The following ADAMTS17 variants were observed in gnomAD, a reference collection of about 807,000 sequenced individuals.
The protein encoded by ADAMTS17 is A disintegrin and metalloproteinase with thrombospondin motifs 17.
ADAMTS17 carries 113 observed loss-of-function variants against 141.5 expected under a neutral mutation model. That is an observed-to-expected ratio of 0.80 (90% CI 0.69 to 0.93). The LOEUF (loss-of-function observed/expected upper bound fraction) is 0.93, where lower values mean the gene tolerates loss of function less well. Among genes scored for constraint, ADAMTS17 ranks in the 40% least tolerant of loss-of-function variants. The pLI is 0.00. For synonymous variants in ADAMTS17, 768 were observed against 630.6 expected, an observed-to-expected ratio of 1.22 and a Z score of -3.27; for missense variants, 1,659 against 1,517.9, an observed-to-expected ratio of 1.09 and a Z score of -1.54.
intron 7 of ADAMTS17, among the ~76,000 whole-genome samples, chr15:100,215,366 A>AG (rs2041937815): frequency 6.6e-6 from 1 of 152,188 alleles, no homozygotes; most frequent in Admixed American, 6.5e-5. Context: ...TAGGGCCCGA[A>AG]TGTCTGGCGT....
intron 20 of ADAMTS17, 74 bp downstream of exon 20, chr15:99,992,974 A>G: frequency 6.3e-7 from 1 of 1,592,784 alleles, no homozygotes; most frequent in Admixed American, 1.7e-5. Context: ...GGGACCCGTC[A>G]CAAGAGCTGA....
chr15:100,109,458 G>A lies in ADAMTS17; in HGVS notation c.1889-342C>T, dbSNP rs367734618. ...TTGAATACACATCAAGGGGGAGCTG[G>A]AGCCACTCTTATAGCGAGGGTGTGA... On this transcript the variant is annotated intron_variant, in intron 13 of 21. Coordinates refer to ENST00000268070, the MANE Select transcript of ADAMTS17 (RefSeq NM_139057.4). 9.5e-4 allele frequency among the ~76,000 whole-genome samples: 138 copies of A among 145,942 alleles called. 2 individuals carry two copies. Among genetic ancestry groups the A allele is most frequent in the African/African-American group, 3.2e-3 (128 of 39,834 alleles).
At chr15:100,280,543 C>G (rs961450565) in intron 4 of ADAMTS17, among the ~76,000 whole-genome samples, 1 of 152,148 alleles carries the variant, frequency 6.6e-6, no homozygotes, top group African/African-American at 2.4e-5. Flanking sequence ...GGGTGGAGCC[C>G]CTGCTCCTCA....
intron 15 of ADAMTS17, among the ~76,000 whole-genome samples, chr15:100,057,588 G>A (rs2032693704): frequency 6.6e-6 from 1 of 152,172 alleles, no homozygotes; most frequent in South Asian, 2.1e-4. Flanking sequence ...CCATGACACG[G>A]CATCTGTTTC....
intron 14 of ADAMTS17, among the ~76,000 whole-genome samples, chr15:100,101,004 C>G (rs1444955844): frequency 6.6e-6 from 1 of 152,154 alleles, no homozygotes; most frequent in African/African-American, 2.4e-5. Context: ...CTGGGATCTA[C>G]TTGAGTCAGT....
intron 7 of ADAMTS17, among the ~76,000 whole-genome samples, chr15:100,209,509 T>C (rs1439414203): frequency 1.3e-5 from 2 of 152,048 alleles, no homozygotes; most frequent in Non-Finnish European, 2.9e-5. Flanking sequence ...CAAACTACCA[T>C]GACAAGCCCT....
intron 4 of ADAMTS17, among the ~76,000 whole-genome samples, chr15:100,275,442 G>T (rs536278780): frequency 1.3e-5 from 2 of 152,340 alleles, no homozygotes; most frequent in African/African-American, 4.8e-5. Context: ...GGAAGAAAAT[G>T]GAAGTGAGAA....
In ADAMTS17 at chr15:100,033,894, C is replaced by T. The variant is rs563580242; in HGVS notation, c.2591+14963G>A. On this transcript the variant is annotated intron_variant, in intron 18 of 21. Transcript: ENST00000268070. ...TGTGCTCTAGAAGCCAGTGGTGCCA[C>T]GATCACCTCCTTCCATTTCCACACC... Among the ~76,000 whole-genome samples, 36 of 152,316 alleles carry T rather than the reference C, an allele frequency of 2.4e-4. No individual in the cohort carries two copies. The South Asian group carries it at 2.9e-3, about 12-fold the overall frequency.
intron 3 of ADAMTS17, among the ~76,000 whole-genome samples, chr15:100,322,278 G>C (rs2045755686): frequency 1.3e-5 from 2 of 152,084 alleles, no homozygotes; most frequent in Non-Finnish European, 2.9e-5. Flanking sequence ...GAAAGTATGG[G>C]GGAGGCATGC....
At chr15:100,107,141 T>A (rs1314250306) in intron 14 of ADAMTS17, among the ~76,000 whole-genome samples, 1 of 152,240 alleles carries the variant, frequency 6.6e-6, no homozygotes, top group African/African-American at 2.4e-5. Flanking sequence ...GGAAACGGTT[T>A]GCTGCAGCAA....
intron 21 of ADAMTS17, among the ~76,000 whole-genome samples, chr15:99,975,267 T>A (rs2060297348): frequency 6.6e-6 from 1 of 152,242 alleles, no homozygotes; most frequent in South Asian, 2.1e-4. Flanking sequence ...TGGAGTGCAG[T>A]GGCACGATCT....
chr15:100,123,018 G>A (rs897076727), intron 12 of ADAMTS17, among the ~76,000 whole-genome samples: 3 of 152,212 alleles, frequency 2.0e-5, no homozygotes, highest in African/African-American at 7.2e-5. Flanking sequence ...GGGTGTGGCT[G>A]GCAGTTTCCA....
chr15:100,096,502 T>A, intron 14 of ADAMTS17, 26 bp from the exon 15 acceptor site: 1 of 1,614,000 alleles, frequency 6.2e-7, no homozygotes. Context: ...GCCTCATTAT[T>A]CTGTGGTTAA....
At chr15:100,147,590 G>T (rs1271052834) in intron 10 of ADAMTS17, among the ~76,000 whole-genome samples, 1 of 152,134 alleles carries the variant, frequency 6.6e-6, no homozygotes, top group Non-Finnish European at 1.5e-5. Flanking sequence ...GGTTAAAAAT[G>T]GTACACCTCT....
At chr15:100,193,788 C>T (rs2041010385) in intron 8 of ADAMTS17, among the ~76,000 whole-genome samples, 1 of 152,210 alleles carries the variant, frequency 6.6e-6, no homozygotes, top group Non-Finnish European at 1.5e-5. Context: ...GAGAGGTCAA[C>T]TCCAGAATGG....
chr15:99,976,000 A>T, intron 21 of ADAMTS17, 45 bp downstream of exon 21: 1 of 1,525,604 alleles, frequency 6.6e-7, no homozygotes. Context: ...ACTGGGCAGG[A>T]GACACAGCAG....
intron 18 of ADAMTS17, among the ~76,000 whole-genome samples, chr15:100,039,384 T>C (rs2031043723): frequency 6.6e-6 from 1 of 152,210 alleles, no homozygotes; most frequent in Non-Finnish European, 1.5e-5. Flanking sequence ...TTTACAGCCA[T>C]AAATTTCCCC....
intron 3 of ADAMTS17, among the ~76,000 whole-genome samples, chr15:100,283,307 G>T (rs931761184): frequency 1.3e-5 from 2 of 152,198 alleles, no homozygotes; most frequent in Non-Finnish European, 1.5e-5. Context: ...GTCCTAGGTG[G>T]CTGTGCCTTT....
intron 15 of ADAMTS17, among the ~76,000 whole-genome samples, chr15:100,054,895 C>G (rs1460203039): frequency 6.6e-6 from 1 of 152,176 alleles, no homozygotes; most frequent in Non-Finnish European, 1.5e-5. Context: ...TTCTGAGTCG[C>G]TCACCAGGAT....
Sources: allele counts gnomAD v4.1 joint callset (sites outside exome capture counted in the v4.1 genomes callset), GRCh38; gene constraint gnomAD v4.1.1; transcripts MANE v1.5; gene names NCBI Gene and HGNC (gene_info 2026-07-23, HGNC 2026-07-21).